The following AUTS2 variants were observed in gnomAD, a reference collection of about 807,000 sequenced individuals.
The protein encoded by AUTS2 is activator of transcription and developmental regulator AUTS2, also known as autism susceptibility gene 2 protein.
A neutral mutation model predicts 112.4 loss-of-function variants in AUTS2; 17 were observed. The observed-to-expected ratio is 0.15, with a 90% confidence interval of 0.10 to 0.23. AUTS2 has a LOEUF of 0.23. Among genes scored for constraint, AUTS2 ranks in the 10% least tolerant of loss-of-function variants. The pLI is 1.00. For missense variants in AUTS2, 1,510 were observed against 1,701.6 expected (o/e 0.89, Z 1.98); for synonymous variants, 751 against 702.7 (o/e 1.07, Z -1.09).
chr7:70,281,972 C>T (rs1251821207), intron 4 of AUTS2, among the ~76,000 whole-genome samples: 1 of 152,124 alleles, frequency 6.6e-6, no homozygotes, highest in East Asian at 1.9e-4. Flanking sequence ...GATCAAAGAG[C>T]ATAACATGCA....
chr7:70,299,952 G>A (rs572954605), intron 4 of AUTS2, among the ~76,000 whole-genome samples: 4 of 152,118 alleles, frequency 2.6e-5, no homozygotes, highest in African/African-American at 9.6e-5. Context: ...CAATGACACA[G>A]AAATCACTTG....
intron 1 of AUTS2, among the ~76,000 whole-genome samples, chr7:69,685,991 G>C (rs1251639239): frequency 2.0e-5 from 3 of 152,134 alleles, no homozygotes; most frequent in African/African-American, 4.8e-5. Flanking sequence ...AGAGAACAAG[G>C]GAGTCCATGC....
chr7:69,614,326 T>TTCTC (rs1583942264), intron 1 of AUTS2, among the ~76,000 whole-genome samples: 2 of 64,978 alleles, frequency 3.1e-5, no homozygotes, highest in East Asian at 1.2e-3. Context: ...CTTTCTTTCT[T>TTCTC]TCTTTCTTTC....
intron 1 of AUTS2, among the ~76,000 whole-genome samples, chr7:69,818,174 G>A (rs77208800): frequency 4.5e-4 from 68 of 152,276 alleles, no homozygotes; most frequent in African/African-American, 1.9e-4. Flanking sequence ...CTGATGGTCC[G>A]TCAGAAACTA....
chr7:70,119,729 A>G (rs1805585465), intron 3 of AUTS2: 1 of 152,088 alleles, frequency 6.6e-6, no homozygotes, highest in South Asian at 2.1e-4. Flanking sequence ...CATTAACAGA[A>G]TAAGTGAGAG....
intron 6 of AUTS2, among the ~76,000 whole-genome samples, chr7:70,759,817 G>C (rs1284643657): frequency 6.6e-6 from 1 of 152,166 alleles, no homozygotes; most frequent in Non-Finnish European, 1.5e-5. Flanking sequence ...GATATCTGTA[G>C]TACTTCCTTA....
At chr7:70,580,455 C>T (rs1349145039) in intron 5 of AUTS2, among the ~76,000 whole-genome samples, 1 of 152,102 alleles carries the variant, frequency 6.6e-6, no homozygotes. Context: ...AGAAAGAGGG[C>T]AGTCTCTAGT....
At chr7:70,431,141 C>T (rs1192531426) in intron 4 of AUTS2, among the ~76,000 whole-genome samples, 1 of 151,582 alleles carries the variant, frequency 6.6e-6, no homozygotes, top group Non-Finnish European at 1.5e-5. Flanking sequence ...CCGGCCGTGT[C>T]GCCATTTTTT....
chr7:70,754,962 A>C (rs1385655659), intron 6 of AUTS2, among the ~76,000 whole-genome samples: 1 of 152,230 alleles, frequency 6.6e-6, no homozygotes, highest in East Asian at 1.9e-4. Flanking sequence ...TGTGAAGACC[A>C]GAAGTGCAGA....
intron 3 of AUTS2, chr7:70,118,719 G>A (rs1805521830): frequency 6.6e-6 from 1 of 152,570 alleles, no homozygotes; most frequent in Non-Finnish European, 1.5e-5. Flanking sequence ...AGAGGTTGTG[G>A]TGAGCCGATA....
At chr7:70,053,790 T>A (rs1362251708) in intron 2 of AUTS2, among the ~76,000 whole-genome samples, 2 of 152,086 alleles carry the variant, frequency 1.3e-5, no homozygotes, top group Non-Finnish European at 2.9e-5. Flanking sequence ...GGTCCTCCTG[T>A]CTTGGCCTCC....
chr7:70,430,859 G>A (rs1795631612), intron 4 of AUTS2, among the ~76,000 whole-genome samples: 1 of 121,318 alleles, frequency 8.2e-6, no homozygotes, highest in South Asian at 2.6e-4. Flanking sequence ...TTTTTGAGAC[G>A]GAGTCTCGCT....
chr7:69,913,106 C>G (rs1795430780), intron 2 of AUTS2, among the ~76,000 whole-genome samples: 1 of 152,202 alleles, frequency 6.6e-6, no homozygotes, highest in South Asian at 2.1e-4. Context: ...TGGATGAACC[C>G]TGTGTTTTCT....
intron 2 of AUTS2, among the ~76,000 whole-genome samples, chr7:69,964,436 A>C (rs540692594): frequency 8.7e-4 from 132 of 152,326 alleles, no homozygotes; most frequent in Non-Finnish European, 1.5e-3. Context: ...AAACTCATTA[A>C]AAAGCATTAC....
At chr7:70,671,047 C>T (rs1367578585) in intron 5 of AUTS2, among the ~76,000 whole-genome samples, 1 of 152,218 alleles carries the variant, frequency 6.6e-6, no homozygotes, top group South Asian at 2.1e-4. Context: ...TGGCGCACGC[C>T]TGTGATCCCA....
At chr7:69,970,597 ACATT>A (rs1797810393) in intron 2 of AUTS2, among the ~76,000 whole-genome samples, 1 of 152,128 alleles carries the variant, frequency 6.6e-6, no homozygotes, top group Non-Finnish European at 1.5e-5. Context: ...TCTCCCTGCC[ACATT>A]CATGGTGCTT....
intron 1 of AUTS2, among the ~76,000 whole-genome samples, chr7:69,773,789 G>A (rs1335697713): frequency 6.6e-6 from 1 of 152,198 alleles, no homozygotes; most frequent in Non-Finnish European, 1.5e-5. Context: ...TATCAGCGGG[G>A]TCCAGCCTTA....
At chr7:70,017,095 A>G (rs1800064132) in intron 2 of AUTS2, among the ~76,000 whole-genome samples, 1 of 152,240 alleles carries the variant, frequency 6.6e-6, no homozygotes, top group African/African-American at 2.4e-5. Flanking sequence ...CAAGTATTAA[A>G]TTTCTAAATA....
chr7:69,894,264 T>G (rs1584404653), intron 1 of AUTS2, among the ~76,000 whole-genome samples: 1 of 144,688 alleles, frequency 6.9e-6, no homozygotes, highest in South Asian at 2.3e-4. Flanking sequence ...TTTTTTTTTT[T>G]TTTTTTTTTT....
Sources: gnomAD v4.1 joint callset for allele counts (sites outside exome capture counted in the v4.1 genomes callset) on GRCh38, gnomAD v4.1.1 for gene constraint, MANE v1.5 for transcripts, NCBI Gene and HGNC (gene_info 2026-07-23, HGNC 2026-07-21) for gene names.